Variants in KDM6A observed in about 807,000 individuals in gnomAD.
KDM6A encodes lysine demethylase 6A, also known as lysine-specific demethylase 6A.
In KDM6A, 11 loss-of-function variants were observed where a neutral mutation model predicts 117.6. The observed-to-expected ratio is 0.09, with a 90% confidence interval of 0.06 to 0.15. The LOEUF (loss-of-function observed/expected upper bound fraction) is 0.15. Among genes scored for constraint, KDM6A ranks in the 10% least tolerant of loss-of-function variants. The pLI is 1.00. For synonymous variants in KDM6A, 384 were observed against 396.1 expected (o/e 0.97, Z 0.36); for missense variants, 799 against 1,077.3 (o/e 0.74, Z 3.62).
chrX:45,021,816 G>A (rs2042181314), intron 6 of KDM6A, among the ~76,000 whole-genome samples: 1 of 111,788 alleles, frequency 8.9e-6, no homozygotes, highest in African/African-American at 3.3e-5. Flanking sequence ...TCCAGGGTAA[G>A]TGCAGGGTGC....
intron 25 of KDM6A, 58 bp from the exon 26 acceptor site, chrX:45,089,685 C>A: frequency 1.2e-6 from 1 of 861,825 alleles, no homozygotes; most frequent in Non-Finnish European, 1.7e-6. Context: ...TTCTTCCAGT[C>A]TTACTAGGAG....
chrX:45,028,681 G>A (rs892144347), intron 6 of KDM6A, among the ~76,000 whole-genome samples: 1 of 111,065 alleles, frequency 9.0e-6, no homozygotes, highest in African/African-American at 3.3e-5. Context: ...TGTACTACTC[G>A]TCAGCTTGTA....
chrX:45,095,641 G>A (rs1361008932), intron 27 of KDM6A, among the ~76,000 whole-genome samples: 2 of 111,325 alleles, frequency 1.8e-5, no homozygotes, highest in African/African-American at 3.3e-5. Context: ...TTTCTGGTTT[G>A]TGAGCTGTGC....
At chrX:44,896,284 A>T (rs2033843516) in intron 2 of KDM6A, among the ~76,000 whole-genome samples, 1 of 109,945 alleles carries the variant, frequency 9.1e-6, no homozygotes, top group African/African-American at 3.3e-5. Context: ...TCACTGTGTT[A>T]ACCAGGATGG....
At chrX:44,936,195 C>A (rs754239532) in intron 2 of KDM6A, among the ~76,000 whole-genome samples, 2 of 111,563 alleles carry the variant, frequency 1.8e-5, no homozygotes, top group Non-Finnish European at 3.8e-5. Flanking sequence ...CTTTGTGTGC[C>A]TGAAAACTCC....
At chrX:44,890,814 A>T (rs767283449) in intron 2 of KDM6A, among the ~76,000 whole-genome samples, 1 of 107,175 alleles carries the variant, frequency 9.3e-6, no homozygotes, top group Non-Finnish European at 1.9e-5. Context: ...GCCACTACGC[A>T]CATCTAATAT....
chrX:44,979,764 C>T lies in KDM6A; in HGVS notation c.384+5049C>T, dbSNP rs747211649. 1.5e-3 allele frequency among the ~76,000 whole-genome samples: 164 copies of T among 109,663 alleles called. 1 individual carries two copies. Among genetic ancestry groups the T allele is most frequent in the Middle Eastern group, 4.7e-3 (1 of 213 alleles). On this transcript the variant is annotated intron_variant, in intron 4 of 29. Transcript: ENST00000611820. ...ATCAGTGGTCCCCCCACCCCCTACC[C>T]CAATAGCTACCTAGTTTTTCCAGCA...
At chrX:44,974,612 A>G (rs2039530976) in intron 3 of KDM6A, 54 bp from the exon 4 acceptor site, 4 of 801,856 alleles carry the variant, frequency 5.0e-6, no homozygotes, top group African/African-American at 4.1e-5. Context: ...TGTTAAGTGT[A>G]TTATTGACTT....
chrX:45,101,232 A>G (rs1031543166), intron 27 of KDM6A, among the ~76,000 whole-genome samples: 2 of 111,285 alleles, frequency 1.8e-5, no homozygotes, highest in African/African-American at 6.5e-5. Flanking sequence ...TTGGCTGGGG[A>G]ACTGCGGACA....
chrX:45,003,426 G>C (rs1353929577), intron 4 of KDM6A, among the ~76,000 whole-genome samples: 1 of 88,535 alleles, frequency 1.1e-5, no homozygotes, highest in Non-Finnish European at 2.2e-5. Flanking sequence ...TAACAGAATA[G>C]CCTCATACTT....
chrX:44,958,045 G>T (rs976361284), intron 2 of KDM6A, among the ~76,000 whole-genome samples: 1 of 111,718 alleles, frequency 9.0e-6, no homozygotes, highest in African/African-American at 3.3e-5. Context: ...AGATCATAGG[G>T]TATTTGTATC....
chrX:45,078,427 C>G lies in KDM6A; in HGVS notation c.3016C>G (p.Pro1006Ala), dbSNP rs2148112856. ...YLENKRDAFF[P>A]PLHQFCTNPN... ...GGAAAATAAACGTGATGCTTTCTTT[C>G]CTCCATTACATCAATTTTGTACAAA... is the stretch of plus-strand genomic sequence containing the variant. The change falls in exon 20 of 30, where the codon CCT (proline) becomes GCT (alanine). Residue 1006 changes from proline (P) to alanine (A), a missense_variant. By Grantham distance (27) the Pro-to-Ala change is conservative. Around this residue, in one of 8 missense-constraint regions of KDM6A, gnomAD observed 291 missense variants for 437.9 expected, o/e 0.66. Coordinates refer to ENST00000611820, the MANE Select transcript of KDM6A (RefSeq NM_001291415.2). 1 of 1,209,139 alleles carries G rather than the reference C, an allele frequency of 8.3e-7. No homozygotes were observed. The highest frequency in any genetic ancestry group is 1.1e-6 in the Non-Finnish European group (1 of 894,455).
chrX:45,034,222 TTGA>T (rs1315567786), intron 6 of KDM6A, among the ~76,000 whole-genome samples: 2 of 111,915 alleles, frequency 1.8e-5, no homozygotes, highest in East Asian at 2.8e-4. Flanking sequence ...CCCAGTGTTC[TTGA>T]TGATAATATG....
At chrX:44,935,094 G>A (rs1223245935) in intron 2 of KDM6A, among the ~76,000 whole-genome samples, 2 of 111,038 alleles carry the variant, frequency 1.8e-5, no homozygotes, top group Admixed American at 1.9e-4. Context: ...CCTTTTCTGG[G>A]ATTATGCACA....
intron 10 of KDM6A, among the ~76,000 whole-genome samples, chrX:45,055,576 T>A (rs1297052289): frequency 9.0e-6 from 1 of 111,453 alleles, no homozygotes; most frequent in Non-Finnish European, 1.9e-5. Context: ...CTGGATTTTA[T>A]TATTTTTGTA....
At chrX:44,985,069 G>A (rs1353217468) in intron 4 of KDM6A, among the ~76,000 whole-genome samples, 11 of 109,647 alleles carry the variant, frequency 1.0e-4, no homozygotes, top group Admixed American at 2.9e-4. Flanking sequence ...CCATTTGTTT[G>A]TATCCTCTTT....
At chrX:44,895,625 A>C (rs1208116980) in intron 2 of KDM6A, among the ~76,000 whole-genome samples, 1 of 107,917 alleles carries the variant, frequency 9.3e-6, no homozygotes, top group Non-Finnish European at 1.9e-5. Flanking sequence ...TCTCTGATGT[A>C]ACAATTTGGT....
intron 4 of KDM6A, among the ~76,000 whole-genome samples, chrX:45,007,798 T>G (rs2147559134): frequency 8.9e-6 from 1 of 112,034 alleles, no homozygotes; most frequent in South Asian, 3.7e-4. Context: ...CTGACCTAGT[T>G]TCAGTTCCTA....
At chrX:44,896,160 G>A (rs1173245956) in intron 2 of KDM6A, among the ~76,000 whole-genome samples, 2 of 107,249 alleles carry the variant, frequency 1.9e-5, no homozygotes, top group Non-Finnish European at 1.9e-5. Context: ...TGCAAGCTCC[G>A]CCTCCTGGGT....
Sources: gnomAD v4.1 joint callset for allele counts (sites outside exome capture counted in the v4.1 genomes callset) on GRCh38, gnomAD v4.1.1 for gene constraint, gnomAD v4.1.1 regional missense constraint, MANE v1.5 for transcripts, NCBI Gene and HGNC (gene_info 2026-07-23, HGNC 2026-07-21) for gene names.